The following ATRNL1 variants were observed in gnomAD, a reference collection of about 807,000 sequenced individuals.
The protein encoded by ATRNL1 is attractin-like protein 1.
Under a neutral mutation model 182.7 loss-of-function variants are expected in ATRNL1, and 95 were observed. The observed-to-expected ratio is 0.52, with a 90% CI of 0.44 to 0.62. ATRNL1 has a LOEUF of 0.62. Ranked by LOEUF, ATRNL1 falls within the 20% of genes least tolerant of loss-of-function variation. ATRNL1 has a pLI of 0.00. For missense variants in ATRNL1, 1,471 were observed against 1,679.5 expected, an observed-to-expected ratio of 0.88 and a Z score of 2.17; for synonymous variants, 576 against 568.3, an observed-to-expected ratio of 1.01 and a Z score of -0.19.
chr10:115,529,240 C>T (rs1158788347), intron 25 of ATRNL1, among the ~76,000 whole-genome samples: 2 of 151,976 alleles, frequency 1.3e-5, no homozygotes, highest in East Asian at 3.9e-4. Context: ...TTGGATTTCT[C>T]TCTGTTCCTA....
rs556583825 is a variant in ATRNL1, at chr10:115,725,448, A to G, written c.3796-1800A>G. Among the ~76,000 whole-genome samples the G allele has an allele frequency of 3.9e-5, 6 of 152,296 alleles. No homozygotes were observed. The South Asian group carries it at 1.0e-3, about 26-fold the overall frequency. Reference sequence around the variant, plus strand: ...TTTTGTAGACCTTATACTTTTAGATATAAGGAAAAGGCAAGATGAGGAAAA... The same window carrying G: ...TTTTGTAGACCTTATACTTTTAGATGTAAGGAAAAGGCAAGATGAGGAAAA... On this transcript the variant is annotated intron_variant, in intron 26 of 28. Transcript: ENST00000355044.
At chr10:115,322,705 T>C (rs1854644794) in intron 18 of ATRNL1, among the ~76,000 whole-genome samples, 1 of 152,108 alleles carries the variant, frequency 6.6e-6, no homozygotes, top group African/African-American at 2.4e-5. Context: ...TTCTCCTAAT[T>C]TTTTAATATT....
intron 20 of ATRNL1, among the ~76,000 whole-genome samples, chr10:115,401,418 A>G (rs1252793706): frequency 1.3e-5 from 2 of 152,048 alleles, no homozygotes; most frequent in African/African-American, 4.8e-5. Flanking sequence ...AACCCTTGAA[A>G]CTAATTCCAT....
chr10:115,586,534 A>T lies in ATRNL1; in HGVS notation c.3795+36998A>T, dbSNP rs1286701613. Reference sequence around the variant, plus strand: ...TTCCATCACTGATACCCTTTCTTCCAGTTGTTCGCATCGGCTCCTGAGGCT... The same window carrying T: ...TTCCATCACTGATACCCTTTCTTCCTGTTGTTCGCATCGGCTCCTGAGGCT... On this transcript the variant is annotated intron_variant, in intron 26 of 28. Coordinates refer to ENST00000355044, the MANE Select transcript of ATRNL1 (RefSeq NM_207303.4). 1.1e-4 allele frequency among the ~76,000 whole-genome samples: 10 copies of T among 94,062 alleles called. 3 individuals are homozygous for T. Among genetic ancestry groups the T allele is most frequent in the African/African-American group, 2.9e-4 (10 of 34,454 alleles). 61.7% of individuals were successfully genotyped at this position (94,062 alleles called of 152,430 possible). A position where few individuals can be genotyped will look rare whatever the true frequency, so the allele number is the denominator to read the frequency against.
intron 26 of ATRNL1, among the ~76,000 whole-genome samples, chr10:115,560,389 C>T (rs1459792715): frequency 3.3e-5 from 5 of 152,186 alleles, no homozygotes; most frequent in African/African-American, 1.2e-4. Context: ...ATTCAGTTAC[C>T]TTCCACTGGG....
chr10:115,449,704 C>T (rs1219537041), intron 21 of ATRNL1, among the ~76,000 whole-genome samples: 1 of 152,184 alleles, frequency 6.6e-6, no homozygotes, highest in Non-Finnish European at 1.5e-5. Flanking sequence ...CATGCTCCTC[C>T]TCCCACAAGG....
chr10:115,522,764 C>T (rs1851009024), intron 25 of ATRNL1, among the ~76,000 whole-genome samples: 1 of 151,046 alleles, frequency 6.6e-6, no homozygotes, highest in Non-Finnish European at 1.5e-5. Flanking sequence ...TTATTTATCT[C>T]CAAGATACAA....
chr10:115,375,342 C>A (rs142112630), intron 19 of ATRNL1, among the ~76,000 whole-genome samples: 240 of 152,004 alleles, frequency 1.6e-3, no homozygotes, highest in African/African-American at 5.4e-3. Flanking sequence ...CATCCCTTCA[C>A]TTTCTATGTA....
intron 25 of ATRNL1, among the ~76,000 whole-genome samples, chr10:115,545,466 C>A (rs782096348): frequency 1.3e-5 from 2 of 152,068 alleles, no homozygotes; most frequent in Non-Finnish European, 2.9e-5. Context: ...CCATAGAAAG[C>A]ATCTGACACA....
At chr10:115,317,271 C>T (rs1452984262) in intron 18 of ATRNL1, among the ~76,000 whole-genome samples, 1 of 150,250 alleles carries the variant, frequency 6.7e-6, no homozygotes, top group Non-Finnish European at 1.5e-5. Context: ...TTCCATTGGT[C>T]TACATCTGTT....
chr10:115,885,230 A>G (rs570223442), intron 28 of ATRNL1, among the ~76,000 whole-genome samples: 24 of 152,346 alleles, frequency 1.6e-4, no homozygotes, highest in South Asian at 1.0e-3. Context: ...CTCAGGTCTC[A>G]TTTGAAATTC....
At chr10:115,548,234 A>G (rs1160843122) in intron 25 of ATRNL1, among the ~76,000 whole-genome samples, 1 of 152,254 alleles carries the variant, frequency 6.6e-6, no homozygotes, top group African/African-American at 2.4e-5. Context: ...GATGTGACGT[A>G]CTAGCACAGC....
chr10:115,644,103 G>A (rs953936923), intron 26 of ATRNL1, among the ~76,000 whole-genome samples: 9 of 152,098 alleles, frequency 5.9e-5, no homozygotes, highest in Non-Finnish European at 1.0e-4. Context: ...AGTGTAGTAT[G>A]TTTACACAAT....
intron 28 of ATRNL1, among the ~76,000 whole-genome samples, chr10:115,941,190 A>G (rs1953721030): frequency 6.6e-6 from 1 of 152,254 alleles, no homozygotes; most frequent in African/African-American, 2.4e-5. Flanking sequence ...AATGCAGTTG[A>G]TTGTTACATT....
chr10:115,697,737 A>G (rs1280579123), intron 26 of ATRNL1, among the ~76,000 whole-genome samples: 1 of 152,126 alleles, frequency 6.6e-6, no homozygotes, highest in Non-Finnish European at 1.5e-5. Flanking sequence ...TTGGAATCTC[A>G]TTTGAGTTAG....
intron 18 of ATRNL1, among the ~76,000 whole-genome samples, chr10:115,330,092 T>C (rs116139970): frequency 0.013 from 1,967 of 152,276 alleles, 37 homozygotes; most frequent in African/African-American, 0.044. Flanking sequence ...AACATCTTAT[T>C]ATTTTAAAAG....
intron 28 of ATRNL1, among the ~76,000 whole-genome samples, chr10:115,931,823 C>G (rs1555121695): frequency 1.3e-5 from 2 of 152,190 alleles, no homozygotes; most frequent in African/African-American, 4.8e-5. Context: ...ACAAGGGGCC[C>G]CTTCTGCAGA....
chr10:115,937,360 A>G (rs1953591749), intron 28 of ATRNL1, among the ~76,000 whole-genome samples: 1 of 152,192 alleles, frequency 6.6e-6, no homozygotes, highest in Non-Finnish European at 1.5e-5. Context: ...GTGAGGGGAA[A>G]TATCTCTTCA....
At chr10:115,762,382 G>A (rs2907517) in intron 27 of ATRNL1, among the ~76,000 whole-genome samples, 144,580 of 152,144 alleles carry the variant, frequency 0.95, 69,112 homozygotes, top group East Asian at 1. Context: ...GTATATAGAA[G>A]GGTCAGATTA....
Sources: allele counts gnomAD v4.1 joint callset (sites outside exome capture counted in the v4.1 genomes callset), GRCh38; gene constraint gnomAD v4.1.1; transcripts MANE v1.5; gene names NCBI Gene and HGNC (gene_info 2026-07-23, HGNC 2026-07-21).